The following PPFIBP2 variants were observed in gnomAD, a reference collection of about 807,000 sequenced individuals.
PPFIBP2 encodes PPFIB scaffold protein 2.
A neutral mutation model predicts 118.3 loss-of-function variants in PPFIBP2; 118 were observed. The observed-to-expected ratio is 1.00, with a 90% CI of 0.86 to 1.16. The LOEUF (loss-of-function observed/expected upper bound fraction) is 1.16, where lower values mean the gene tolerates loss of function less well. Among genes scored for constraint, PPFIBP2 ranks in the 50% most tolerant of loss-of-function variants. The pLI is 0.00. For synonymous variants in PPFIBP2, 414 were observed against 397.4 expected, an observed-to-expected ratio of 1.04 and a Z score of -0.50; for missense variants, 1,195 against 1,073.1, an observed-to-expected ratio of 1.11 and a Z score of -1.59.
At position 7,593,216 on chromosome 11, in the gene PPFIBP2, A is replaced by T; in HGVS notation, c.364A>T (p.Ile122Leu). 6.2e-7 allele frequency: 1 copy of T among 1,613,870 alleles called. No homozygotes were observed. Among genetic ancestry groups the T allele is most frequent in the Admixed American group, 1.7e-5 (1 of 59,986 alleles). ...ARLEGDKESL[I>L]LQVSVLTDQV... ...TCTAGAAGGGGATAAGGAGTCCCTC[A>T]TATTGCAGGTGGGTACTTTTTGGTG... The change falls in exon 4 of 24, where the codon ATA becomes TTA. Residue 122 changes from isoleucine (I) to leucine (L), a missense_variant. By Grantham distance (5) the Ile-to-Leu change is conservative. Transcript: ENST00000299492.
At chr11:7,514,895 A>G (rs753216155) in intron 1 of PPFIBP2, among the ~76,000 whole-genome samples, 6 of 152,232 alleles carry the variant, frequency 3.9e-5, no homozygotes, top group Non-Finnish European at 7.3e-5. Flanking sequence ...GATATTTGGT[A>G]TAGATCCGTG....
the PPFIBP2 span, chr11:7,667,155 A>G: frequency 6.6e-6 from 1 of 152,252 alleles, no homozygotes; most frequent in Non-Finnish European, 1.5e-5. Flanking sequence ...TCTGTTTTAG[A>G]AAATAATCTA....
chr11:7,560,813 G>A (rs189823261), intron 2 of PPFIBP2, among the ~76,000 whole-genome samples: 1 of 152,262 alleles, frequency 6.6e-6, no homozygotes, highest in East Asian at 1.9e-4. Context: ...AATTATCATT[G>A]CATTTGCATT....
chr11:7,659,091 G>C (rs1316638476), downstream of PPFIBP2, among the ~76,000 whole-genome samples: 1 of 147,904 alleles, frequency 6.8e-6, no homozygotes, highest in African/African-American at 2.6e-5. Context: ...CATTTTGTAG[G>C]TTGCCTGTTC....
Position 7,642,405 on chromosome 11 carries a change from G to C in PPFIBP2, c.1625G>C (p.Arg542Thr), listed in dbSNP as rs1852326100. The C allele has an allele frequency of 2.5e-6, 4 of 1,613,540 alleles. No homozygotes were observed. The highest frequency in any genetic ancestry group is 1.7e-5 in the Admixed American group (1 of 59,948). Residue 542 changes from arginine (R) to threonine (T), a missense_variant, in exon 17 of 24, where the codon AGG becomes ACG. Coordinates refer to ENST00000299492, the MANE Select transcript of PPFIBP2 (RefSeq NM_003621.5). ...GCAGGGCCAAGACTCTCTAGGACCA[G>C]GGACTCCAAGGGACAGAAAAGGTAA... ...ATAGPRLSRT[R>T]DSKGQKSDAN... is the part of the protein sequence containing the mutation.
chr11:7,560,684 G>A (rs1004897233), intron 2 of PPFIBP2, among the ~76,000 whole-genome samples: 3 of 152,142 alleles, frequency 2.0e-5, no homozygotes, highest in Admixed American at 6.5e-5. Context: ...AGGTCAAAAG[G>A]CATGAATATT....
At chr11:7,645,287 C>G (rs1023055051) in intron 17 of PPFIBP2, among the ~76,000 whole-genome samples, 1 of 152,034 alleles carries the variant, frequency 6.6e-6, no homozygotes, top group South Asian at 2.1e-4. Context: ...GTTTAATTCA[C>G]TAGCTTTCCT....
chr11:7,556,673 AGTCT>A (rs1450935631), intron 2 of PPFIBP2, among the ~76,000 whole-genome samples: 3 of 152,156 alleles, frequency 2.0e-5, no homozygotes, highest in Non-Finnish European at 4.4e-5. Flanking sequence ...AAAATTTGAT[AGTCT>A]GTCAGTAATA....
chr11:7,519,053 C>G (rs1849496592), intron 1 of PPFIBP2, among the ~76,000 whole-genome samples: 1 of 152,074 alleles, frequency 6.6e-6, no homozygotes, highest in East Asian at 1.9e-4. Context: ...CTAGAGTTGT[C>G]CTCAGGAGAG....
chr11:7,588,549 C>T (rs1858631559), intron 3 of PPFIBP2, among the ~76,000 whole-genome samples: 1 of 152,154 alleles, frequency 6.6e-6, no homozygotes, highest in Non-Finnish European at 1.5e-5. Context: ...CTTACAGAAA[C>T]AGACCCTAGG....
At chr11:7,651,959 A>T in intron 23 of PPFIBP2, 115 bp downstream of exon 23, 1 of 1,042,140 alleles carries the variant, frequency 9.6e-7, no homozygotes, top group Non-Finnish European at 1.4e-6. Flanking sequence ...GACAAAGAGG[A>T]TCTTTCAGCT....
the PPFIBP2 span, among the ~76,000 whole-genome samples, chr11:7,663,452 G>T: frequency 2.0e-5 from 3 of 152,252 alleles, no homozygotes; most frequent in East Asian, 1.9e-4. Flanking sequence ...CTCCCAGTTA[G>T]GCTGCTCAGG....
chr11:7,659,290 A>T (rs1473928123), downstream of PPFIBP2, among the ~76,000 whole-genome samples: 35 of 149,642 alleles, frequency 2.3e-4, no homozygotes, highest in African/African-American at 7.9e-4. Flanking sequence ...CTAACCTTTA[A>T]GTCTTTAATC....
At chr11:7,555,781 CTG>C (rs752727319) in intron 2 of PPFIBP2, among the ~76,000 whole-genome samples, 5 of 152,194 alleles carry the variant, frequency 3.3e-5, no homozygotes, top group Non-Finnish European at 7.3e-5. Context: ...CTTTATGGAA[CTG>C]TGCCTCGTTT....
At chr11:7,554,619 C>G (rs910340499) in intron 2 of PPFIBP2, among the ~76,000 whole-genome samples, 11 of 152,116 alleles carry the variant, frequency 7.2e-5, no homozygotes, top group Admixed American at 7.2e-4. Flanking sequence ...TATGCCCCTC[C>G]AGAGCCACGG....
intron 5 of PPFIBP2, chr11:7,597,957 G>A: frequency 3.0e-6 from 1 of 333,288 alleles, no homozygotes; most frequent in Non-Finnish European, 5.6e-6. Flanking sequence ...TGCAGTGAGG[G>A]AGCGCTCGGC....
chr11:7,573,496 C>G (rs1855897049), intron 3 of PPFIBP2, among the ~76,000 whole-genome samples: 1 of 152,250 alleles, frequency 6.6e-6, no homozygotes, highest in Non-Finnish European at 1.5e-5. Context: ...GCTGTGGCTG[C>G]TTTTGCACTG....
chr11:7,573,444 A>G (rs547870751), intron 3 of PPFIBP2, among the ~76,000 whole-genome samples: 37 of 152,372 alleles, frequency 2.4e-4, no homozygotes, highest in African/African-American at 8.7e-4. Context: ...GTCCATAAAT[A>G]AAGTTTTACT....
At chr11:7,604,880 G>A (rs1445432994) in intron 5 of PPFIBP2, among the ~76,000 whole-genome samples, 1 of 152,166 alleles carries the variant, frequency 6.6e-6, no homozygotes, top group Non-Finnish European at 1.5e-5. Flanking sequence ...GCCATTCTGA[G>A]TTACCAGCTG....
Sources: gnomAD v4.1 joint callset for allele counts (sites outside exome capture counted in the v4.1 genomes callset) on GRCh38, gnomAD v4.1.1 for gene constraint, MANE v1.5 for transcripts, NCBI Gene and HGNC (gene_info 2026-07-23, HGNC 2026-07-21) for gene names.